The following CDH11 variants were observed in gnomAD, a reference collection of about 807,000 sequenced individuals.
The protein encoded by CDH11 is cadherin 11.
Under a neutral mutation model 67.8 loss-of-function variants are expected in CDH11, and 11 were observed. That is an observed-to-expected ratio of 0.16 (90% CI 0.10 to 0.27). The LOEUF (loss-of-function observed/expected upper bound fraction) is 0.27, where lower values mean the gene tolerates loss of function less well. CDH11 is among the 10% of genes least tolerant of loss of function. CDH11 has a pLI of 1.00. For synonymous variants in CDH11, 419 were observed against 400.0 expected (o/e 1.05, Z -0.57); for missense variants, 847 against 1,031.2 (o/e 0.82, Z 2.45).
chr16:65,040,129 T>C (rs1003478902), intron 2 of CDH11, among the ~76,000 whole-genome samples: 2 of 152,322 alleles, frequency 1.3e-5, no homozygotes, highest in African/African-American at 4.8e-5. Context: ...AGTTCAACCA[T>C]TGTTGAAGTC....
chr16:64,955,063 G>A (rs1423580002), intron 11 of CDH11, among the ~76,000 whole-genome samples: 4 of 151,950 alleles, frequency 2.6e-5, no homozygotes, highest in African/African-American at 7.3e-5. Context: ...TGGCTAATGC[G>A]GTGAAACACC....
At chr16:64,961,366 C>T (rs257497) in intron 11 of CDH11, among the ~76,000 whole-genome samples, 39,546 of 151,980 alleles carry the variant, frequency 0.26, 5,981 homozygotes, top group Middle Eastern at 0.36. Context: ...GCTCAAGTGA[C>T]AGAAAAACCT....
At chr16:64,950,452 T>C (rs1451213505) in intron 12 of CDH11, among the ~76,000 whole-genome samples, 1 of 152,112 alleles carries the variant, frequency 6.6e-6, no homozygotes, top group Non-Finnish European at 1.5e-5. Context: ...TTCTCTGATG[T>C]CCCTGAAGCC....
chr16:64,954,797 A>G (rs2071461114), intron 11 of CDH11, among the ~76,000 whole-genome samples: 1 of 152,062 alleles, frequency 6.6e-6, no homozygotes, highest in African/African-American at 2.4e-5. Context: ...ATCCACTCTG[A>G]TCACTGATCA....
intron 2 of CDH11, among the ~76,000 whole-genome samples, chr16:65,049,399 G>T (rs527783427): frequency 1.4e-4 from 21 of 152,162 alleles, no homozygotes; most frequent in African/African-American, 5.1e-4. Context: ...ATCGCTCATC[G>T]GTGGTCCTCA....
intron 5 of CDH11, among the ~76,000 whole-genome samples, chr16:64,992,525 CAT>C (rs756550002): frequency 1.3e-5 from 2 of 152,192 alleles, no homozygotes; most frequent in Non-Finnish European, 2.9e-5. Context: ...GATATTGGCA[CAT>C]GAGTGCCATG....
chr16:65,094,246 C>T lies in CDH11; in HGVS notation c.-298+27634G>A, dbSNP rs77386995. ...TAATTTATGACACATAGTGTTCTTT[C>T]CTAGCAAGCCAAAGCAACTGGAGAA... On this transcript the variant is annotated intron_variant, in intron 1 of 12. Coordinates refer to ENST00000268603, the MANE Select transcript of CDH11 (RefSeq NM_001797.4). Among the ~76,000 whole-genome samples, 40 of 152,252 alleles carry T rather than the reference C, an allele frequency of 2.6e-4. No homozygotes were observed. In the East Asian group the frequency reaches 6.2e-3, roughly 23 times the overall value.
rs146442196 is a variant in CDH11, at chr16:65,032,453, A to G, written c.-173+21351T>C. Among the ~76,000 whole-genome samples the G allele has an allele frequency of 4.0e-3, 604 of 152,066 alleles. 3 individuals are homozygous for G. Among genetic ancestry groups the G allele is most frequent in the African/African-American group, 0.013 (527 of 41,470 alleles). On this transcript the variant is annotated intron_variant, in intron 2 of 12. Coordinates refer to ENST00000268603, the MANE Select transcript of CDH11 (RefSeq NM_001797.4). ...TGCAGTGAGCCAACATTGCGCCACT[A>G]CACTCCAGCCTAGGTGACAGGATGA...
chr16:64,993,923 T>G (rs945812743), intron 4 of CDH11, among the ~76,000 whole-genome samples: 21 of 152,204 alleles, frequency 1.4e-4, no homozygotes, highest in Non-Finnish European at 2.5e-4. Context: ...GGGCATTTTT[T>G]ACATCTACTG....
intron 1 of CDH11, among the ~76,000 whole-genome samples, chr16:65,112,856 T>G (rs1246350113): frequency 6.6e-6 from 1 of 152,202 alleles, no homozygotes; most frequent in Non-Finnish European, 1.5e-5. Flanking sequence ...AAGAGATTCA[T>G]TTAAAGCCTT....
chr16:65,001,932 C>T (rs2072929968), intron 3 of CDH11, among the ~76,000 whole-genome samples: 1 of 152,170 alleles, frequency 6.6e-6, no homozygotes, highest in South Asian at 2.1e-4. Context: ...CAGCATGACA[C>T]AGGCTGTATT....
Position 64,991,923 on chromosome 16 carries a change from GTT to G in CDH11, c.654_655del (p.Arg218SerfsTer45), listed in dbSNP as rs1251276235. On this transcript the variant is annotated frameshift_variant, in exon 6 of 13. Transcript: ENST00000268603. LOFTEE classifies it high-confidence loss of function. ...CTCCCTGTCCATGTTGGGTAGGGCT[GTT>G]CTGATGATACCTGGACAGGTAAGCA... is the stretch of plus-strand genomic sequence containing the variant. 2 of 1,608,970 alleles carry G rather than the reference GTT, an allele frequency of 1.2e-6. No homozygotes were observed. Among genetic ancestry groups the G allele is most frequent in the Non-Finnish European group, 1.7e-6 (2 of 1,176,196 alleles).
intron 4 of CDH11, among the ~76,000 whole-genome samples, chr16:64,994,718 G>A (rs2072721798): frequency 6.6e-6 from 1 of 152,082 alleles, no homozygotes; most frequent in South Asian, 2.1e-4. Context: ...AGAGCAATGA[G>A]GCAAGAGCAA....
intron 1 of CDH11, among the ~76,000 whole-genome samples, chr16:65,102,448 T>C (rs1426193822): frequency 6.6e-6 from 1 of 152,222 alleles, no homozygotes; most frequent in East Asian, 1.9e-4. Flanking sequence ...AGGAAACTCT[T>C]ACTTTGGAGA....
At chr16:64,971,837 G>C (rs994299061) in intron 10 of CDH11, 94 bp downstream of exon 10, 1 of 1,450,388 alleles carries the variant, frequency 6.9e-7, no homozygotes, top group African/African-American at 1.4e-5. Flanking sequence ...AAACCTTTTT[G>C]GGCAGTGGTT....
intron 12 of CDH11, among the ~76,000 whole-genome samples, chr16:64,950,069 G>A (rs2071316022): frequency 6.6e-6 from 1 of 152,126 alleles, no homozygotes; most frequent in African/African-American, 2.4e-5. Context: ...CACTAGTTCT[G>A]AGACTTTGGG....
chr16:65,020,330 A>G (rs948803452), intron 2 of CDH11, among the ~76,000 whole-genome samples: 18 of 152,248 alleles, frequency 1.2e-4, no homozygotes, highest in Admixed American at 9.2e-4. Context: ...TTTTTATTTT[A>G]CCAGAAACTT....
chr16:65,021,039 A>G (rs257338), intron 2 of CDH11, among the ~76,000 whole-genome samples: 137,643 of 152,024 alleles, frequency 0.91, 62,363 homozygotes, highest in East Asian at 1. Flanking sequence ...TCCCCCATTG[A>G]AGTCTTACCC....
At chr16:65,046,479 G>C (rs1371274632) in intron 2 of CDH11, among the ~76,000 whole-genome samples, 1 of 152,200 alleles carries the variant, frequency 6.6e-6, no homozygotes, top group East Asian at 1.9e-4. Context: ...GGGCATCTCA[G>C]GGAAACTGAC....
Sources: gnomAD v4.1 joint callset for allele counts (sites outside exome capture counted in the v4.1 genomes callset) on GRCh38, gnomAD v4.1.1 for gene constraint, MANE v1.5 for transcripts, NCBI Gene and HGNC (gene_info 2026-07-23, HGNC 2026-07-21) for gene names.